Variants in PTPRA observed in about 807,000 individuals in gnomAD.
PTPRA encodes receptor-type tyrosine-protein phosphatase alpha.
PTPRA carries 25 observed loss-of-function variants against 104.8 expected under a neutral mutation model. That is an observed-to-expected ratio of 0.24 (90% CI 0.17 to 0.33). The LOEUF is 0.33. Among genes scored for constraint, PTPRA ranks in the 10% least tolerant of loss-of-function variants. PTPRA has a pLI of 1.00. For missense variants in PTPRA, 765 were observed against 1,015.3 expected (o/e 0.75, Z 3.35); for synonymous variants, 323 against 368.9 (o/e 0.88, Z 1.43).
intron 5 of PTPRA, among the ~76,000 whole-genome samples, chr20:2,968,859 G>A (rs1405513413): frequency 6.6e-6 from 1 of 151,974 alleles, no homozygotes; most frequent in African/African-American, 2.4e-5. Flanking sequence ...CTGCTGCAGT[G>A]AGCTGTGATC....
At chr20:2,896,502 CA>C (rs1170004294) in intron 1 of PTPRA, among the ~76,000 whole-genome samples, 1 of 152,214 alleles carries the variant, frequency 6.6e-6, no homozygotes, top group Non-Finnish European at 1.5e-5. Context: ...CCAGATTCCA[CA>C]GGTTGTTAAT....
At chr20:2,978,588 G>C (rs539487039) in intron 6 of PTPRA, among the ~76,000 whole-genome samples, 17 of 152,258 alleles carry the variant, frequency 1.1e-4, no homozygotes, top group African/African-American at 4.1e-4. Context: ...TGTTTTCAAG[G>C]AAAGAAGTTA....
intron 10 of PTPRA, 26 bp downstream of exon 10, chr20:3,005,172 A>T: frequency 6.5e-7 from 1 of 1,539,892 alleles, no homozygotes; most frequent in Non-Finnish European, 9.0e-7. Context: ...GTTTCTTGGG[A>T]TGTAACCTGA....
At chr20:2,996,648 G>A (rs879944152) in intron 9 of PTPRA, among the ~76,000 whole-genome samples, 1 of 152,104 alleles carries the variant, frequency 6.6e-6, no homozygotes, top group Non-Finnish European at 1.5e-5. Flanking sequence ...TGAGTAAAAG[G>A]TAAACAATCC....
At chr20:2,997,977 T>A (rs2063467967) in intron 9 of PTPRA, among the ~76,000 whole-genome samples, 2 of 152,070 alleles carry the variant, frequency 1.3e-5, no homozygotes, top group South Asian at 2.1e-4. Context: ...CAATTTTTTT[T>A]AATTAGCCAG....
At chr20:2,984,949 T>C (rs535573182) in intron 6 of PTPRA, among the ~76,000 whole-genome samples, 1 of 152,358 alleles carries the variant, frequency 6.6e-6, no homozygotes, top group African/African-American at 2.4e-5. Context: ...CTCCCCACCC[T>C]GCTTTTTATT....
intron 1 of PTPRA, among the ~76,000 whole-genome samples, chr20:2,882,933 A>G (rs1044822848): frequency 1.3e-5 from 2 of 149,954 alleles, no homozygotes; most frequent in African/African-American, 4.9e-5. Flanking sequence ...CTACAGTTTG[A>G]GTAATCCTAA....
chr20:3,005,173 T>TA, intron 10 of PTPRA, 27 bp downstream of exon 10: 1 of 1,539,970 alleles, frequency 6.5e-7, no homozygotes, highest in Non-Finnish European at 9.0e-7. Context: ...TTTCTTGGGA[T>TA]GTAACCTGAA....
At chr20:2,980,722 A>G (rs148973775) in intron 6 of PTPRA, among the ~76,000 whole-genome samples, 8 of 152,288 alleles carry the variant, frequency 5.3e-5, no homozygotes, top group African/African-American at 1.9e-4. Flanking sequence ...ATTTTTTTAA[A>G]TCAATATGGC....
chr20:2,969,085 A>T (rs2062053612), intron 5 of PTPRA, among the ~76,000 whole-genome samples: 1 of 151,826 alleles, frequency 6.6e-6, no homozygotes. Context: ...GTTGGCATAT[A>T]CTTGTAATCC....
chr20:2,936,625 T>C (rs1013077405), intron 2 of PTPRA, among the ~76,000 whole-genome samples: 1 of 151,074 alleles, frequency 6.6e-6, no homozygotes, highest in Non-Finnish European at 1.5e-5. Flanking sequence ...CATGCCTGGC[T>C]AATTTTTGTT....
intron 9 of PTPRA, 98 bp from the exon 10 acceptor site, chr20:3,004,958 A>C: frequency 9.4e-7 from 1 of 1,067,376 alleles, no homozygotes. Flanking sequence ...CCCCAGGAAA[A>C]GGTAGAACAT....
At chr20:2,900,116 A>G (rs2059171863) in intron 1 of PTPRA, among the ~76,000 whole-genome samples, 1 of 89,058 alleles carries the variant, frequency 1.1e-5, no homozygotes, top group Non-Finnish European at 2.6e-5. Flanking sequence ...TCTCAAAAAC[A>G]AAACAAAACA....
rs2065187578 is a variant in PTPRA at position 3,027,164 on chromosome 20, G to A, written c.1752G>A (p.Glu584=). The A allele has an allele frequency of 6.2e-7, 1 of 1,614,186 alleles. No individual in the cohort carries two copies. Among genetic ancestry groups the A allele is most frequent in the South Asian group, 1.1e-5 (1 of 91,088 alleles). Residue 584 remains glutamate (E), a synonymous_variant, in exon 19 of 24, where the codon GAG becomes GAA. Coordinates refer to ENST00000399903, the MANE Select transcript of PTPRA (RefSeq NM_001385305.1). Reference sequence around the variant, plus strand: ...TCATTCCAGTTAAGCGGGGCGAAGAGAATACAGACTATGTGAACGCATCCT... The same window carrying A: ...TCATTCCAGTTAAGCGGGGCGAAGAAAATACAGACTATGTGAACGCATCCT... ...RVIIPVKRGE[E]NTDYVNASFI...
intron 3 of PTPRA, chr20:2,955,643 AT>A (rs2061509211): frequency 3.0e-6 from 3 of 985,162 alleles, no homozygotes; most frequent in Non-Finnish European, 3.6e-6. Context: ...TTTCAAGCTG[AT>A]TTCTCTCACT....
chr20:2,911,748 CTA>C (rs1200995170), intron 1 of PTPRA, among the ~76,000 whole-genome samples: 1 of 151,970 alleles, frequency 6.6e-6, no homozygotes, highest in Non-Finnish European at 1.5e-5. Context: ...TGGGATCTAA[CTA>C]TGTAAGAGCA....
chr20:2,999,391 G>A (rs2063535754), intron 9 of PTPRA, among the ~76,000 whole-genome samples: 1 of 152,136 alleles, frequency 6.6e-6, no homozygotes, highest in African/African-American at 2.4e-5. Flanking sequence ...AAAGATTCAA[G>A]AATAGCCAAG....
Position 3,022,238 on chromosome 20 carries a change from C to T in PTPRA, c.1328+18C>T. ...CACTGCAGGTCAGTGTGGCCTGACC[C>T]TTGTACCCCCACCCCCACATTTCGC... On this transcript the variant is annotated intron_variant, in intron 15 of 23. Transcript: ENST00000399903. The surrounding 1 kb of genome is among the most constrained non-coding windows in gnomAD (Gnocchi z 4.6). 1.2e-6 allele frequency: 2 copies of T among 1,612,726 alleles called. No homozygotes were observed. The highest frequency in any genetic ancestry group is 1.7e-6 in the Non-Finnish European group (2 of 1,179,036).
chr20:2,896,026 T>G (rs2058984712), intron 1 of PTPRA, among the ~76,000 whole-genome samples: 2 of 152,164 alleles, frequency 1.3e-5, no homozygotes. Context: ...TCAAATAGGT[T>G]TTTTCTAGTT....
Sources: allele counts gnomAD v4.1 joint callset (sites outside exome capture counted in the v4.1 genomes callset), GRCh38; gene constraint gnomAD v4.1.1; non-coding constraint Gnocchi (gnomAD v3.1); transcripts MANE v1.5; gene names NCBI Gene and HGNC (gene_info 2026-07-23, HGNC 2026-07-21).